NDC80: variants seen among roughly 807,000 people sequenced by gnomAD.
NDC80 encodes the protein NDC80 kinetochore complex component, also known as kinetochore protein NDC80 homolog.
Under a neutral mutation model 89.3 loss-of-function variants are expected in NDC80, and 69 were observed. The observed-to-expected ratio is 0.77, with a 90% CI of 0.64 to 0.94. NDC80 has a LOEUF of 0.94. Among genes scored for constraint, NDC80 ranks in the 40% least tolerant of loss-of-function variants. The probability of loss-of-function intolerance (pLI) is 0.00; values close to 1 mark genes in which losing one functional copy is unlikely to be tolerated. For synonymous variants in NDC80, 243 were observed against 255.6 expected (o/e 0.95, Z 0.47); for missense variants, 593 against 739.6 (o/e 0.80, Z 2.30).
At position 2,616,573 on chromosome 18, in the gene NDC80, G is replaced by A. The variant is rs776372300; in HGVS notation, c.1928G>A (p.Ter643=). ...ACTCTAATTAAGTCTTCTGAAGAAT[G>A]AAGATAAAATGTTGATCATGTATAT... ...KATLIKSSEE[*] Residue 643 remains the stop codon, a stop_retained_variant, in exon 17 of 17, where the codon TGA becomes TAA. Transcript: ENST00000261597. 2 of 1,384,644 alleles carry A rather than the reference G, an allele frequency of 1.4e-6. No individual in the cohort carries two copies. The highest frequency in any genetic ancestry group is 2.0e-6 in the Non-Finnish European group (2 of 1,023,578). 85.8% of individuals were successfully genotyped at this position (1,384,644 alleles called of 1,614,324 possible).
At chr18:2,586,375 T>C (rs2072603092) in intron 7 of NDC80, among the ~76,000 whole-genome samples, 1 of 152,172 alleles carries the variant, frequency 6.6e-6, no homozygotes, top group Non-Finnish European at 1.5e-5. Flanking sequence ...GCAATATGTA[T>C]ATTGGGCTGC....
chr18:2,587,783 A>T (rs747055705), intron 7 of NDC80, 47 bp from the exon 8 acceptor site: 3 of 1,473,220 alleles, frequency 2.0e-6, no homozygotes, highest in Non-Finnish European at 9.5e-7. Context: ...GAAACAGACC[A>T]AATAGAGAAT....
chr18:2,573,155 G>A, intron 2 of NDC80, 69 bp downstream of exon 2: 2 of 1,269,368 alleles, frequency 1.6e-6, no homozygotes, highest in Non-Finnish European at 2.2e-6. Context: ...ATAAGAAATA[G>A]TTAATATAAA....
At chr18:2,609,225 A>C (rs1263243053) in intron 15 of NDC80, among the ~76,000 whole-genome samples, 1 of 152,212 alleles carries the variant, frequency 6.6e-6, no homozygotes, top group Non-Finnish European at 1.5e-5. Flanking sequence ...TGTATATTAT[A>C]TAGTAAAATG....
In NDC80 at chr18:2,601,256, G is replaced by A. The variant is rs539102164; in HGVS notation, c.1375-140G>A. ...TTAAAAACTAGTTTTGTTTCTGTTT[G>A]ACAGTATATTAGATTTAAAATGTTA... On this transcript the variant is annotated intron_variant, in intron 12 of 16. Transcript: ENST00000261597. The A allele has an allele frequency of 1.0e-4, 37 of 371,464 alleles. 1 individual carries two copies. Among genetic ancestry groups the A allele is most frequent in the African/African-American group, 7.7e-4 (37 of 47,902 alleles). The allele number at this position is 371,464 out of a possible 1,614,324, so 23.0% of individuals were successfully genotyped here.
intron 11 of NDC80, among the ~76,000 whole-genome samples, chr18:2,598,264 AAAC>A (rs2072667540): frequency 6.6e-6 from 1 of 152,222 alleles, no homozygotes. Context: ...AGCAGATTAA[AAAC>A]AAGTTGCCTA....
chr18:2,583,377 T>C (rs556356179), intron 6 of NDC80, among the ~76,000 whole-genome samples: 1 of 152,302 alleles, frequency 6.6e-6, no homozygotes, highest in Non-Finnish European at 1.5e-5. Context: ...TATCTTGGGT[T>C]CTGCCCTACA....
chr18:2,581,312 G>A (rs552616771), intron 6 of NDC80, among the ~76,000 whole-genome samples: 1 of 152,190 alleles, frequency 6.6e-6, no homozygotes, highest in African/African-American at 2.4e-5. Flanking sequence ...GTATAAGAAA[G>A]AGAAGGCCTT....
At chr18:2,579,064 G>C in intron 6 of NDC80, 35 bp downstream of exon 6, 1 of 1,317,838 alleles carries the variant, frequency 7.6e-7, no homozygotes, top group East Asian at 2.6e-5. Context: ...GTATACATGG[G>C]AAAGGGTTTT....
At chr18:2,587,983 G>A in intron 8 of NDC80, 60 bp downstream of exon 8, 1 of 1,337,562 alleles carries the variant, frequency 7.5e-7, no homozygotes, top group Non-Finnish European at 1.1e-6. Context: ...TCATGGAGTG[G>A]TAATTTATTT....
Position 2,577,868 on chromosome 18 carries a change from A to G in NDC80, c.302A>G (p.Glu101Gly). ...CAGCAGTGTATTCGACAACTCTGTG[A>G]GGTACTTTAGGATTTTAATCTAAAC... Reference protein sequence around the residue: ...FIQQCIRQLCEFLTENGYAHN... With the variant: ...FIQQCIRQLCGFLTENGYAHN... The change falls in exon 4 of 17, where the codon GAG becomes GGG. Residue 101 changes from glutamate (E) to glycine (G), a missense_variant and splice_region_variant. Glu to Gly is a moderately conservative substitution (Grantham distance 98). Transcript: ENST00000261597. 1 of 1,613,470 alleles carries G rather than the reference A, an allele frequency of 6.2e-7. No individual in the cohort carries two copies. The highest frequency in any genetic ancestry group is 8.5e-7 in the Non-Finnish European group (1 of 1,179,738).
intron 5 of NDC80, 48 bp downstream of exon 5, chr18:2,578,189 T>A (rs1370311528): frequency 6.6e-7 from 1 of 1,513,894 alleles, no homozygotes; most frequent in African/African-American, 1.4e-5. Flanking sequence ...CACACAGAGA[T>A]GAAACAAATT....
chr18:2,607,973 A>G lies in NDC80; in HGVS notation c.1558-727A>G, dbSNP rs1158207457. ...TTTTACATATATACATAGTATATATATATATATATATATATATATATATAT... is the reference window on the plus strand; with the variant it reads ...TTTTACATATATACATAGTATATATGTATATATATATATATATATATATAT... On this transcript the variant is annotated intron_variant, in intron 14 of 16. Transcript: ENST00000261597. 3.7e-4 allele frequency among the ~76,000 whole-genome samples: 40 copies of G among 106,678 alleles called. 1 individual carries two copies. The East Asian group carries it at 0.012, about 31-fold the overall frequency. The allele number at this position is 106,678 out of a possible 152,430, so 70.0% of individuals were successfully genotyped here.
chr18:2,577,941 G>T, intron 4 of NDC80, 28 bp from the exon 5 acceptor site: 1 of 1,609,906 alleles, frequency 6.2e-7, no homozygotes, highest in Non-Finnish European at 8.5e-7. Flanking sequence ...ATTACAAAAC[G>T]TTTGGTGGTT....
At chr18:2,589,997 T>A in intron 9 of NDC80, 21 bp from the exon 10 acceptor site, 1 of 1,493,946 alleles carries the variant, frequency 6.7e-7, no homozygotes. Flanking sequence ...ATAACTAAAG[T>A]TATATTCTTT....
At position 2,572,967 on chromosome 18, in the gene NDC80, G is replaced by C; in HGVS notation, c.-9-10G>C. On this transcript the variant is annotated splice_polypyrimidine_tract_variant and intron_variant, in intron 1 of 16. Coordinates refer to ENST00000261597, the MANE Select transcript of NDC80 (RefSeq NM_006101.3). ...AAAGTTTTTTTTAAATACTGAATTC[G>C]TGAATGTAGGTCATAAGCATGAAGC... 1 of 1,602,422 alleles carries C rather than the reference G, an allele frequency of 6.2e-7. No homozygotes were observed. The highest frequency in any genetic ancestry group is 8.5e-7 in the Non-Finnish European group (1 of 1,175,044).
At chr18:2,582,403 A>G (rs1351578153) in intron 6 of NDC80, 1 of 152,196 alleles carries the variant, frequency 6.6e-6, no homozygotes, top group African/African-American at 2.4e-5. Flanking sequence ...ATCAAACAAC[A>G]TATTTTTTAT....
At chr18:2,575,114 A>G (rs774018917) in intron 3 of NDC80, 48 bp downstream of exon 3, 3 of 1,323,830 alleles carry the variant, frequency 2.3e-6, no homozygotes, top group Non-Finnish European at 2.1e-6. Flanking sequence ...TTATAGCCAT[A>G]CGTTGTTGCC....
intron 3 of NDC80, 69 bp from the exon 4 acceptor site, chr18:2,577,677 C>T (rs910949907): frequency 6.7e-5 from 104 of 1,560,390 alleles, no homozygotes; most frequent in Non-Finnish European, 9.0e-5. Context: ...GCAAAACTGC[C>T]TTGAAATAAT....
Sources: allele counts gnomAD v4.1 joint callset (sites outside exome capture counted in the v4.1 genomes callset), GRCh38; gene constraint gnomAD v4.1.1; transcripts MANE v1.5; gene names NCBI Gene and HGNC (gene_info 2026-07-23, HGNC 2026-07-21).